The following GRWD1 variants were observed in gnomAD, a reference collection of about 807,000 sequenced individuals.
The protein encoded by GRWD1 is glutamate rich WD repeat containing 1, also known as glutamate-rich WD repeat-containing protein 1.
Under a neutral mutation model 45.3 loss-of-function variants are expected in GRWD1, and 29 were observed. That is an observed-to-expected ratio of 0.64 (90% CI 0.48 to 0.87). The LOEUF is 0.87. GRWD1 is among the 40% of genes least tolerant of loss of function. GRWD1 has a pLI of 0.00. For missense variants in GRWD1, 592 were observed against 618.8 expected (o/e 0.96, Z 0.46); for synonymous variants, 262 against 257.6 (o/e 1.02, Z -0.16).
chr19:48,448,689 C>G (rs181574387), intron 3 of GRWD1, among the ~76,000 whole-genome samples: 1 of 152,256 alleles, frequency 6.6e-6, no homozygotes, highest in East Asian at 1.9e-4. Flanking sequence ...AAAGAATTTG[C>G]AGGCAAGGAA....
At chr19:48,451,729 C>T (rs1054398857) in intron 6 of GRWD1, among the ~76,000 whole-genome samples, 1 of 152,192 alleles carries the variant, frequency 6.6e-6, no homozygotes, top group African/African-American at 2.4e-5. Flanking sequence ...GTCCGGCATC[C>T]CTCTGGACAA....
At chr19:48,449,417 T>C (rs1628806) in intron 3 of GRWD1, among the ~76,000 whole-genome samples, 127,024 of 152,116 alleles carry the variant, frequency 0.84, 53,708 homozygotes, top group Non-Finnish European at 0.91. Context: ...TTTACTGTAG[T>C]CAGCATAGGT....
At chr19:48,447,350 G>C (rs1774404763) in intron 3 of GRWD1, among the ~76,000 whole-genome samples, 1 of 152,058 alleles carries the variant, frequency 6.6e-6, no homozygotes, top group Admixed American at 6.5e-5. Flanking sequence ...AGGTTCAAGC[G>C]ATTCTCCTGC....
In GRWD1 at chr19:48,450,116, G is replaced by A. The variant is rs1183892142; in HGVS notation, c.469-197G>A. On this transcript the variant is annotated intron_variant, in intron 3 of 6. Coordinates refer to ENST00000253237, the MANE Select transcript of GRWD1 (RefSeq NM_031485.4). The surrounding 1 kb of genome is among the most constrained non-coding windows in gnomAD (Gnocchi z 5.1). ...CACCCACTCCCACCCCCTGTGGAGA[G>A]CTGTCCCAGTTACCATGCTGGTTTT... Among the ~76,000 whole-genome samples the A allele has an allele frequency of 5.9e-5, 9 of 151,670 alleles. No homozygotes were observed. Among genetic ancestry groups the A allele is most frequent in the Admixed American group, 5.9e-4 (9 of 15,252 alleles).
rs1971503313 is a variant in GRWD1 at position 48,453,769 on chromosome 19, G to A, written c.*744G>A. ...TGCCCGTTGTCTTCCTGCCAGCTGGGTTTGGCCAGGATTTCTCCGTGTGGG... is the reference window on the plus strand; with the variant it reads ...TGCCCGTTGTCTTCCTGCCAGCTGGATTTGGCCAGGATTTCTCCGTGTGGG... On this transcript the variant is annotated 3_prime_UTR_variant, in exon 7 of 7. Coordinates refer to ENST00000253237, the MANE Select transcript of GRWD1 (RefSeq NM_031485.4). 1 of 152,296 alleles carries A rather than the reference G, an allele frequency of 6.6e-6. No individual in the cohort carries two copies. Among genetic ancestry groups the A allele is most frequent in the African/African-American group, 2.4e-5 (1 of 41,442 alleles). 9.4% of individuals were successfully genotyped at this position (152,296 alleles called of 1,614,324 possible). A position where few individuals can be genotyped will look rare whatever the true frequency, so the allele number is the denominator to read the frequency against.
At position 48,452,802 on chromosome 19, in the gene GRWD1, G is replaced by A. The variant is rs772729812; in HGVS notation, c.1118G>A (p.Gly373Asp). The change falls in exon 7 of 7, where the codon GGT becomes GAT. Residue 373 changes from glycine to aspartate, a missense_variant. Gly to Asp is a moderately conservative substitution (Grantham distance 94). Transcript: ENST00000253237. This position sits in a 1 kb window ranked among gnomAD's most constrained non-coding sequence, Gnocchi z 5.1. ...PQDSGVFAAS[G>D]ADHQITQWDL... is the part of the protein sequence containing the mutation. ...GACAGCGGGGTCTTTGCAGCCTCGG[G>A]TGCAGACCACCAGATCACACAGTGG... The A allele has an allele frequency of 1.2e-6, 2 of 1,613,028 alleles. No individual in the cohort carries two copies. The highest frequency in any genetic ancestry group is 1.7e-5 in the Admixed American group (1 of 59,982).
chr19:48,447,651 G>A (rs576140923), intron 3 of GRWD1, among the ~76,000 whole-genome samples: 1 of 152,306 alleles, frequency 6.6e-6, no homozygotes, highest in South Asian at 2.1e-4. Flanking sequence ...AAAGTCATGG[G>A]ATTACAAGCG....
chr19:48,455,248 C>G lies in GRWD1; in HGVS notation c.*2223C>G, dbSNP rs1329459499. The G allele has an allele frequency of 6.6e-6, 1 of 152,500 alleles. No individual in the cohort carries two copies. Among genetic ancestry groups the G allele is most frequent in the Non-Finnish European group, 1.5e-5 (1 of 68,298 alleles). 9.4% of individuals were successfully genotyped at this position (152,500 alleles called of 1,614,324 possible). A position where few individuals can be genotyped will look rare whatever the true frequency, so the allele number is the denominator to read the frequency against. On this transcript the variant is annotated 3_prime_UTR_variant, in exon 7 of 7. Transcript: ENST00000253237. The stretch of plus-strand genomic sequence containing the variant: ...TTTCTTGGGGCACCCTCTCAACACC[C>G]CTCCTCCTGCCTATCTCTGCATCTC...
rs1440299535 is a variant in GRWD1, at chr19:48,454,681, C to G, written c.*1656C>G. 1.3e-5 allele frequency: 2 copies of G among 152,312 alleles called. No homozygotes were observed. Among genetic ancestry groups the G allele is most frequent in the Non-Finnish European group, 2.9e-5 (2 of 68,332 alleles). The allele number at this position is 152,312 out of a possible 1,614,324, so 9.4% of individuals were successfully genotyped here. A position where few individuals can be genotyped will look rare whatever the true frequency, so the allele number is the denominator to read the frequency against. ...CCTGCCCCAGCATCCCTGTCCTCAG[C>G]TTGTCCCCTTCAAGAAGGCCTTGTC... On this transcript the variant is annotated 3_prime_UTR_variant, in exon 7 of 7. Transcript: ENST00000253237.
In GRWD1 at chr19:48,454,507, C is replaced by T. The variant is rs937471118; in HGVS notation, c.*1482C>T. The T allele has an allele frequency of 2.0e-5, 3 of 152,476 alleles. No homozygotes were observed. The highest frequency in any genetic ancestry group is 4.8e-5 in the African/African-American group (2 of 41,420). The allele number at this position is 152,476 out of a possible 1,614,324, so 9.4% of individuals were successfully genotyped here. A position where few individuals can be genotyped will look rare whatever the true frequency, so the allele number is the denominator to read the frequency against. On this transcript the variant is annotated 3_prime_UTR_variant, in exon 7 of 7. Transcript: ENST00000253237. ...CTGGGACCAAGGACAGACTACAGCCCCTCAGCACCCACAGAGGCTTCCCCT... is the reference window on the plus strand; with the variant it reads ...CTGGGACCAAGGACAGACTACAGCCTCTCAGCACCCACAGAGGCTTCCCCT...
chr19:48,446,072 G>A lies in GRWD1; in HGVS notation c.67G>A (p.Asp23Asn), dbSNP rs763665732. The change falls in exon 1 of 7, where the codon GAC (aspartate) becomes AAC (asparagine). Residue 23 changes from aspartate (D) to asparagine (N), a missense_variant. Asp to Asn is a conservative substitution (Grantham distance 23, BLOSUM62 1). Transcript: ENST00000253237. ...TGEPMEAESG[D>N]TSSEGPAQVY... ...GGAACCCATGGAAGCCGAGTCCGGC[G>A]ACACAAGTTCCGAGGGCCCGGCCCA... is the stretch of plus-strand genomic sequence containing the variant. 3.1e-6 allele frequency: 5 copies of A among 1,597,244 alleles called. No homozygotes were observed. Among genetic ancestry groups the A allele is most frequent in the East Asian group, 4.5e-5 (2 of 44,288 alleles).
Position 48,453,178 on chromosome 19 carries a change from C to T in GRWD1, c.*153C>T, listed in dbSNP as rs1329894790. On this transcript the variant is annotated 3_prime_UTR_variant, in exon 7 of 7. Transcript: ENST00000253237. ...GTTTGACGTATTGTTCTCTAGAAGGCCTGGCTCTGATCCAGTGACCCCTCT... is the reference window on the plus strand; with the variant it reads ...GTTTGACGTATTGTTCTCTAGAAGGTCTGGCTCTGATCCAGTGACCCCTCT... The T allele has an allele frequency of 1.3e-5, 9 of 683,450 alleles. No homozygotes were observed. Among genetic ancestry groups the T allele is most frequent in the South Asian group, 2.0e-5 (1 of 49,196 alleles). The allele number at this position is 683,450 out of a possible 1,614,324, so 42.3% of individuals were successfully genotyped here.
intron 2 of GRWD1, 45 bp from the exon 3 acceptor site, chr19:48,446,633 TAAG>T: frequency 6.4e-7 from 1 of 1,552,772 alleles, no homozygotes; most frequent in Non-Finnish European, 8.7e-7. Flanking sequence ...CTCTCCTTCC[TAAG>T]AATCCTGGAA....
Position 48,447,431 on chromosome 19 carries a change from C to A in GRWD1, c.468+588C>A, listed in dbSNP as rs561679739. On this transcript the variant is annotated intron_variant, in intron 3 of 6. Coordinates refer to ENST00000253237, the MANE Select transcript of GRWD1 (RefSeq NM_031485.4). ...CTAATTTTTGTATTCTTAGTAGGGA[C>A]GGGGTTTCACAATGTTGATCAGGCT... Among the ~76,000 whole-genome samples the A allele has an allele frequency of 2.0e-5, 3 of 151,584 alleles. No homozygotes were observed. In the South Asian group the frequency reaches 6.3e-4, roughly 32 times the overall value.
At chr19:48,447,476 C>T (rs1033514336) in intron 3 of GRWD1, among the ~76,000 whole-genome samples, 1 of 151,946 alleles carries the variant, frequency 6.6e-6, no homozygotes, top group African/African-American at 2.4e-5. Context: ...CTCCTGACCT[C>T]GTGATCCGCC....
In GRWD1 at chr19:48,450,750, C is replaced by G. The variant is rs1326505023; in HGVS notation, c.767C>G (p.Pro256Arg). Residue 256 changes from proline to arginine, a missense_variant, in exon 5 of 7, where the codon CCA (proline) becomes CGA (arginine). Transcript: ENST00000253237. The surrounding 1 kb of genome is among the most constrained non-coding windows in gnomAD (Gnocchi z 5.1). Reference protein sequence around the residue: ...DGGSWHVDQRPFVGHTRSVED... With the variant: ...DGGSWHVDQRRFVGHTRSVED... ...GGCTCCTGGCACGTGGACCAGCGGC[C>G]ATTCGTGGGCCACACACGCTCTGTG... is the stretch of plus-strand genomic sequence containing the variant. 6.2e-7 allele frequency: 1 copy of G among 1,614,098 alleles called. No individual in the cohort carries two copies. The highest frequency in any genetic ancestry group is 1.1e-5 in the South Asian group (1 of 91,074).
At position 48,450,905 on chromosome 19, in the gene GRWD1, A is replaced by G. The variant is rs1390584495; in HGVS notation, c.825+97A>G. ...GAGGGAAAAGAGGGCTGGGAGCCTG[A>G]CGGAGGTTTAGTTTCCAGGCCAAGT... On this transcript the variant is annotated intron_variant, in intron 5 of 6. Coordinates refer to ENST00000253237, the MANE Select transcript of GRWD1 (RefSeq NM_031485.4). The surrounding 1 kb of genome is among the most constrained non-coding windows in gnomAD (Gnocchi z 5.1). 1 of 1,505,910 alleles carries G rather than the reference A, an allele frequency of 6.6e-7. No homozygotes were observed. Among genetic ancestry groups the G allele is most frequent in the East Asian group, 2.3e-5 (1 of 43,596 alleles). The allele number at this position is 1,505,910 out of a possible 1,614,324, so 93.3% of individuals were successfully genotyped here.
Position 48,453,077 on chromosome 19 carries a change from TG to T in GRWD1, c.*55del. On this transcript the variant is annotated 3_prime_UTR_variant, in exon 7 of 7. Transcript: ENST00000253237. The stretch of plus-strand genomic sequence containing the variant: ...TCCTGCTTGGAAACTGAAGTCGAAT[TG>T]GGCTCCCCTGGAAGGGGTTCATTCA... The T allele has an allele frequency of 6.7e-7, 1 of 1,495,954 alleles. No individual in the cohort carries two copies. The allele number at this position is 1,495,954 out of a possible 1,614,324, so 92.7% of individuals were successfully genotyped here.
In GRWD1 at chr19:48,450,758, G is replaced by C; in HGVS notation, c.775G>C (p.Gly259Arg). Residue 259 changes from glycine to arginine, a missense_variant, in exon 5 of 7, where the codon GGC (glycine) becomes CGC (arginine). Physicochemically the swap from Gly to Arg is moderately radical, Grantham distance 125. Coordinates refer to ENST00000253237, the MANE Select transcript of GRWD1 (RefSeq NM_031485.4). This position sits in a 1 kb window ranked among gnomAD's most constrained non-coding sequence, Gnocchi z 5.1. Reference protein sequence around the residue: ...SWHVDQRPFVGHTRSVEDLQW... With the variant: ...SWHVDQRPFVRHTRSVEDLQW... ...GCACGTGGACCAGCGGCCATTCGTG[G>C]GCCACACACGCTCTGTGGAGGACCT... The C allele has an allele frequency of 6.2e-7, 1 of 1,614,060 alleles. No homozygotes were observed.
Sources: gnomAD v4.1 joint callset for allele counts (sites outside exome capture counted in the v4.1 genomes callset) on GRCh38, gnomAD v4.1.1 for gene constraint, Gnocchi (gnomAD v3.1) non-coding constraint, MANE v1.5 for transcripts, NCBI Gene and HGNC (gene_info 2026-07-23, HGNC 2026-07-21) for gene names.